Variants in PCDHGA7 observed in about 807,000 individuals in gnomAD.
PCDHGA7 encodes protocadherin gamma-A7.
PCDHGA7 carries 44 observed loss-of-function variants against 58.3 expected under a neutral mutation model. That is an observed-to-expected ratio of 0.75 (90% CI 0.59 to 0.97). The LOEUF is 0.97. Among genes scored for constraint, PCDHGA7 ranks in the 50% least tolerant of loss-of-function variants. The pLI is 0.00. For missense variants in PCDHGA7, 1,266 were observed against 1,188.7 expected, an observed-to-expected ratio of 1.06 and a Z score of -0.96; for synonymous variants, 516 against 504.2, an observed-to-expected ratio of 1.02 and a Z score of -0.31.
intron 1 of PCDHGA7, chr5:141,408,693 T>C (rs1561714723): frequency 6.2e-6 from 10 of 1,613,768 alleles, no homozygotes; most frequent in Non-Finnish European, 8.5e-6. Flanking sequence ...GATATAAACA[T>C]AAACTCAATT....
intron 1 of PCDHGA7, among the ~76,000 whole-genome samples, chr5:141,474,643 CCTTA>C (rs1474125632): frequency 1.3e-5 from 2 of 152,134 alleles, no homozygotes; most frequent in Admixed American, 1.3e-4. Flanking sequence ...TCCTATATAT[CCTTA>C]CTTCTTTTCT....
chr5:141,414,909 C>T (rs1230113440), intron 1 of PCDHGA7: 10 of 1,614,102 alleles, frequency 6.2e-6, no homozygotes, highest in Admixed American at 1.7e-5. Context: ...GTTCCACAGG[C>T]GTGGAGCTGG....
chr5:141,394,592 G>C (rs754585576), intron 1 of PCDHGA7: 84 of 1,613,642 alleles, frequency 5.2e-5, no homozygotes, highest in South Asian at 3.7e-4. Context: ...AGGTGGTGGC[G>C]GTGGACAGAG....
intron 1 of PCDHGA7, chr5:141,393,481 C>A (rs368525192): frequency 6.2e-7 from 1 of 1,614,066 alleles, no homozygotes; most frequent in Non-Finnish European, 8.5e-7. Flanking sequence ...CCGCCTCGCT[C>A]TAGCACAGTG....
chr5:141,455,476 G>C (rs2098823789), intron 1 of PCDHGA7, among the ~76,000 whole-genome samples: 1 of 152,218 alleles, frequency 6.6e-6, no homozygotes. Flanking sequence ...ATATGCAGAG[G>C]CTGGTGGAGG....
In PCDHGA7 at chr5:141,510,976, G is replaced by A. The variant is rs752758180; in HGVS notation, c.2602G>A (p.Gly868Arg). The change falls in exon 4 of 4, where the codon GGG (glycine) becomes AGG (arginine). Residue 868 changes from glycine to arginine, a missense_variant. Gly to Arg is a moderately radical substitution (Grantham distance 125, BLOSUM62 -2). Transcript: ENST00000518325. ...EAADGSSTLG[G>R]GAGTMGLSAR... ...TGCTGATGGGAGCTCCACCCTGGGA[G>A]GGGGTGCCGGCACCATGGGATTGAG... The A allele has an allele frequency of 5.0e-6, 8 of 1,614,046 alleles. No individual in the cohort carries two copies. The highest frequency in any genetic ancestry group is 6.8e-6 in the Non-Finnish European group (8 of 1,180,022).
Position 141,485,330 on chromosome 5 carries a change from C to T in PCDHGA7, c.2425-9477C>T. On this transcript the variant is annotated intron_variant, in intron 1 of 3. Transcript: ENST00000518325. This position sits in a 1 kb window ranked among gnomAD's most constrained non-coding sequence, Gnocchi z 5.7. ...TGTAGGGAATGTCGCTCAAGATTTC[C>T]TGCTGGATACGGACAGTCTGTCAGC... 6.2e-7 allele frequency: 1 copy of T among 1,614,164 alleles called. No individual in the cohort carries two copies. Among genetic ancestry groups the T allele is most frequent in the East Asian group, 2.2e-5 (1 of 44,862 alleles).
rs1415142555 is a variant in PCDHGA7, at chr5:141,476,011, A to G, written c.2425-18796A>G. The G allele has an allele frequency of 7.6e-7, 1 of 1,311,282 alleles. No individual in the cohort carries two copies. The highest frequency in any genetic ancestry group is 1.0e-6 in the Non-Finnish European group (1 of 962,238). 81.2% of individuals were successfully genotyped at this position (1,311,282 alleles called of 1,614,324 possible). ...GCAAATCAACGGCATCCAGAAAGCC[A>G]TGTCGGACTCGGCGCCCAGCGCCCA... On this transcript the variant is annotated intron_variant, in intron 1 of 3. Coordinates refer to ENST00000518325, the MANE Select transcript of PCDHGA7 (RefSeq NM_018920.4). This position sits in a 1 kb window ranked among gnomAD's most constrained non-coding sequence, Gnocchi z 7.6.
rs1561593940 is a variant in PCDHGA7, at chr5:141,383,028, CT to C, written c.132del (p.Phe44LeufsTer34). ...SVSEETDKGSFVGDIAKDLGL... is the reference protein window; with the variant it reads ...SVSEETDKGSXVGDIAKDLGL... ...TGTCGGAGGAGACGGACAAAGGGTC[CT>C]TTGTGGGAGACATCGCCAAGGACCT... On this transcript the variant is annotated frameshift_variant, in exon 1 of 4. Transcript: ENST00000518325. LOFTEE classifies it high-confidence loss of function. The C allele has an allele frequency of 1.2e-6, 2 of 1,613,814 alleles. No homozygotes were observed. The highest frequency in any genetic ancestry group is 1.7e-6 in the Non-Finnish European group (2 of 1,179,902).
chr5:141,403,687 G>A, intron 1 of PCDHGA7: 1 of 1,613,872 alleles, frequency 6.2e-7, no homozygotes, highest in East Asian at 2.2e-5. Context: ...TTGCTCAACG[G>A]ATTTACCGAG....
chr5:141,462,852 T>C (rs1334709435), intron 1 of PCDHGA7, among the ~76,000 whole-genome samples: 1 of 152,202 alleles, frequency 6.6e-6, no homozygotes. Flanking sequence ...TTTTGAGTGT[T>C]TGGATTTTGT....
At position 141,487,635 on chromosome 5, in the gene PCDHGA7, A is replaced by C. The variant is rs1594699829; in HGVS notation, c.2425-7172A>C. 1.2e-6 allele frequency: 2 copies of C among 1,614,204 alleles called. No individual in the cohort carries two copies. Among genetic ancestry groups the C allele is most frequent in the Non-Finnish European group, 1.7e-6 (2 of 1,180,034 alleles). On this transcript the variant is annotated intron_variant, in intron 1 of 3. Transcript: ENST00000518325. The surrounding 1 kb of genome is among the most constrained non-coding windows in gnomAD (Gnocchi z 5.0). Reference sequence around the variant, plus strand: ...CTAGAGGTGAGACCTTTGCAGGCTCAACAAATGCTTGAGGGTTATTCTGAT... The same window carrying C: ...CTAGAGGTGAGACCTTTGCAGGCTCCACAAATGCTTGAGGGTTATTCTGAT...
chr5:141,410,719 A>G, intron 1 of PCDHGA7: 3 of 1,407,980 alleles, frequency 2.1e-6, no homozygotes, highest in Non-Finnish European at 2.9e-6. Context: ...TCATATGTTT[A>G]AAATCCATAG....
At chr5:141,449,538 G>A (rs1445815017) in intron 1 of PCDHGA7, among the ~76,000 whole-genome samples, 15 of 145,960 alleles carry the variant, frequency 1.0e-4, no homozygotes, top group East Asian at 4.0e-4. Flanking sequence ...GCAGTGAGCC[G>A]AGATCGCACC....
chr5:141,471,036 C>A (rs1437409726), intron 1 of PCDHGA7, among the ~76,000 whole-genome samples: 1 of 144,908 alleles, frequency 6.9e-6, no homozygotes, highest in Admixed American at 7.0e-5. Context: ...TATTAACAAG[C>A]CCAAGCCCTC....
Position 141,412,979 on chromosome 5 carries a change from C to G in PCDHGA7, c.2424+27656C>G, listed in dbSNP as rs2154544283. ...CACCTACTAGGAGAGAAAACGCAGCCAGAGCTCAATCCGGATTCTCAGGGC... is the reference window on the plus strand; with the variant it reads ...CACCTACTAGGAGAGAAAACGCAGCGAGAGCTCAATCCGGATTCTCAGGGC... On this transcript the variant is annotated intron_variant, in intron 1 of 3. Coordinates refer to ENST00000518325, the MANE Select transcript of PCDHGA7 (RefSeq NM_018920.4). 5.5e-6 allele frequency: 3 copies of G among 542,930 alleles called. No individual in the cohort carries two copies. In the East Asian group the frequency reaches 9.2e-5, roughly 17 times the overall value. 33.6% of individuals were successfully genotyped at this position (542,930 alleles called of 1,614,324 possible). A position where few individuals can be genotyped will look rare whatever the true frequency, so the allele number is the denominator to read the frequency against.
At position 141,489,099 on chromosome 5, in the gene PCDHGA7, G is replaced by C; in HGVS notation, c.2425-5708G>C. 5.5e-6 allele frequency: 2 copies of C among 361,982 alleles called. No homozygotes were observed. The highest frequency in any genetic ancestry group is 5.0e-5 in the South Asian group (1 of 19,862). 22.4% of individuals were successfully genotyped at this position (361,982 alleles called of 1,614,324 possible). On this transcript the variant is annotated intron_variant, in intron 1 of 3. Coordinates refer to ENST00000518325, the MANE Select transcript of PCDHGA7 (RefSeq NM_018920.4). The surrounding 1 kb of genome is among the most constrained non-coding windows in gnomAD (Gnocchi z 4.5). Reference sequence around the variant, plus strand: ...CCCCGCCACTCGGTGACTAAGAACTGCTGCAAGCAGGCAAACCTCCGAGCA... The same window carrying C: ...CCCCGCCACTCGGTGACTAAGAACTCCTGCAAGCAGGCAAACCTCCGAGCA...
Position 141,403,062 on chromosome 5 carries a change from A to G in PCDHGA7, c.2424+17739A>G, listed in dbSNP as rs780758422. On this transcript the variant is annotated intron_variant, in intron 1 of 3. Transcript: ENST00000518325. ...AGTCAGATTCGCTACTCAGTGCCTG[A>G]AGAGACAGAAAAGGGCTATATTGTG... is the stretch of plus-strand genomic sequence containing the variant. The G allele has an allele frequency of 7.4e-6, 12 of 1,613,964 alleles. 1 individual carries two copies. The South Asian group carries it at 1.1e-4, about 15-fold the overall frequency.
At chr5:141,501,206 A>G (rs977574347) in intron 2 of PCDHGA7, among the ~76,000 whole-genome samples, 22 of 151,674 alleles carry the variant, frequency 1.5e-4, no homozygotes, top group African/African-American at 5.3e-4. Context: ...GGGTGTTGTC[A>G]GGGTGACTTC....
Sources: gnomAD v4.1 joint callset for allele counts (sites outside exome capture counted in the v4.1 genomes callset) on GRCh38, gnomAD v4.1.1 for gene constraint, Gnocchi (gnomAD v3.1) non-coding constraint, MANE v1.5 for transcripts, NCBI Gene and HGNC (gene_info 2026-07-23, HGNC 2026-07-21) for gene names.